TGIF1: variants seen among roughly 807,000 people sequenced by gnomAD.
TGIF1 encodes the protein homeobox protein TGIF1.
Under a neutral mutation model 19.3 loss-of-function variants are expected in TGIF1, and 4 were observed. The observed-to-expected ratio is 0.21, with a 90% CI of 0.10 to 0.47. TGIF1 has a LOEUF of 0.47. Ranked by LOEUF, TGIF1 falls within the 20% of genes least tolerant of loss-of-function variation. The probability of loss-of-function intolerance (pLI) is 0.98; values close to 1 mark genes in which losing one functional copy is unlikely to be tolerated. For missense variants in TGIF1, 275 were observed against 341.4 expected (o/e 0.81, Z 1.53); for synonymous variants, 122 against 129.3 (o/e 0.94, Z 0.38).
chr18:3,453,468 T>C (rs1002417005), intron 1 of TGIF1, among the ~76,000 whole-genome samples: 17 of 151,974 alleles, frequency 1.1e-4, no homozygotes, highest in Non-Finnish European at 2.2e-4. Context: ...GAGCAGATCA[T>C]CTGAGGTCGG....
chr18:3,436,363 C>T (rs756785089), intron 2 of TGIF1, among the ~76,000 whole-genome samples: 25 of 152,214 alleles, frequency 1.6e-4, no homozygotes, highest in Non-Finnish European at 2.8e-4. Flanking sequence ...TACATTTTGG[C>T]TGACAAATAG....
At position 3,458,737 on chromosome 18, in the gene TGIF1, T is replaced by C. The variant is rs2143434360; in HGVS notation, c.*797T>C. 1 of 152,310 alleles carries C rather than the reference T, an allele frequency of 6.6e-6. No homozygotes were observed. Among genetic ancestry groups the C allele is most frequent in the East Asian group, 1.9e-4 (1 of 5,192 alleles). 9.4% of individuals were successfully genotyped at this position (152,310 alleles called of 1,614,324 possible). ...AACGTGGCCATGTTATAAAGAAAAG[T>C]CTTGAAGCATCCGGTTATTGCTGAG... On this transcript the variant is annotated 3_prime_UTR_variant, in exon 3 of 3. Transcript: ENST00000343820.
intron 1 of TGIF1, among the ~76,000 whole-genome samples, chr18:3,417,292 TG>T (rs1257198878): frequency 6.6e-6 from 1 of 152,168 alleles, no homozygotes; most frequent in Non-Finnish European, 1.5e-5. Context: ...CCCGAGTAGC[TG>T]GGACTACAGG....
chr18:3,450,133 G>C, upstream of TGIF1: 7 of 1,105,570 alleles, frequency 6.3e-6, no homozygotes, highest in Non-Finnish European at 7.7e-6. Flanking sequence ...GCTGGGGGCG[G>C]AGGCAGGACC....
Position 3,456,330 on chromosome 18 carries a change from C to CA in TGIF1, c.17-22dup. 6.2e-7 allele frequency: 1 copy of CA among 1,608,840 alleles called. No homozygotes were observed. The highest frequency in any genetic ancestry group is 8.5e-7 in the Non-Finnish European group (1 of 1,175,306). On this transcript the variant is annotated intron_variant, in intron 1 of 2. Transcript: ENST00000343820. This position sits in a 1 kb window ranked among gnomAD's most constrained non-coding sequence, Gnocchi z 4.2. ...GTTGCTGTGCTTATAAAGCAACTGA[C>CA]AACTGGCCCTTGTCCTTTCCTAGGT...
chr18:3,455,987 C>G, intron 1 of TGIF1: 1 of 352,912 alleles, frequency 2.8e-6, no homozygotes, highest in Non-Finnish European at 5.5e-6. Flanking sequence ...TAGGCATATT[C>G]CAACTGCCAC....
At position 3,456,019 on chromosome 18, in the gene TGIF1, G is replaced by A. The variant is rs2049340699; in HGVS notation, c.17-335G>A. ...CCACAGCACCCTTCCTGTTTCAAAT[G>A]TGGCAGGTTATTCATTTTGGGTGCA... On this transcript the variant is annotated intron_variant, in intron 1 of 2. Transcript: ENST00000343820. The surrounding 1 kb of genome is among the most constrained non-coding windows in gnomAD (Gnocchi z 4.2). 3 of 383,510 alleles carry A rather than the reference G, an allele frequency of 7.8e-6. No individual in the cohort carries two copies. The highest frequency in any genetic ancestry group is 6.7e-5 in the South Asian group (3 of 45,096). 23.8% of individuals were successfully genotyped at this position (383,510 alleles called of 1,614,324 possible).
At chr18:3,426,891 G>T (rs184407492) in intron 2 of TGIF1, among the ~76,000 whole-genome samples, 19 of 151,254 alleles carry the variant, frequency 1.3e-4, no homozygotes, top group African/African-American at 4.6e-4. Context: ...ACTATGCAGC[G>T]GTAAAAAAGT....
chr18:3,457,545 C>T lies in TGIF1; in HGVS notation c.424C>T (p.His142Tyr). ...GCCAGCTCTAGAGGAGACCCCATTTCATTCCTGTACAGCTGGGCCAAACCC... is the reference window on the plus strand; with the variant it reads ...GCCAGCTCTAGAGGAGACCCCATTTTATTCCTGTACAGCTGGGCCAAACCC... Reference protein sequence around the residue: ...FMPALEETPFHSCTAGPNPTL... With the variant: ...FMPALEETPFYSCTAGPNPTL... The change falls in exon 3 of 3, where the codon CAT (histidine) becomes TAT (tyrosine). Residue 142 changes from histidine to tyrosine, a missense_variant. Coordinates refer to ENST00000343820, the MANE Select transcript of TGIF1 (RefSeq NM_003244.4). This position sits in a 1 kb window ranked among gnomAD's most constrained non-coding sequence, Gnocchi z 4.9. 2 of 1,614,234 alleles carry T rather than the reference C, an allele frequency of 1.2e-6. No homozygotes were observed. Among genetic ancestry groups the T allele is most frequent in the Non-Finnish European group, 1.7e-6 (2 of 1,180,046 alleles).
At position 3,451,821 on chromosome 18, in the gene TGIF1, C is replaced by T. The variant is rs1405751446; in HGVS notation, c.16+1316C>T. On this transcript the variant is annotated intron_variant, in intron 1 of 2. Transcript: ENST00000343820. This position sits in a 1 kb window ranked among gnomAD's most constrained non-coding sequence, Gnocchi z 5.4. ...CTCCCCGCGGGACGGAGGGAGGACT[C>T]GGGACAGGGAATTGGCCCTGGGAGA... 2 of 1,324,642 alleles carry T rather than the reference C, an allele frequency of 1.5e-6. No homozygotes were observed. Among genetic ancestry groups the T allele is most frequent in the Non-Finnish European group, 1.9e-6 (2 of 1,036,850 alleles). The allele number at this position is 1,324,642 out of a possible 1,614,324, so 82.1% of individuals were successfully genotyped here.
At position 3,457,678 on chromosome 18, in the gene TGIF1, T is replaced by C. The variant is rs1598914258; in HGVS notation, c.557T>C (p.Phe186Ser). 1 of 1,614,190 alleles carries C rather than the reference T, an allele frequency of 6.2e-7. No individual in the cohort carries two copies. The highest frequency in any genetic ancestry group is 8.5e-7 in the Non-Finnish European group (1 of 1,180,040). ...TTVTALKDVP[F>S]SLCQSVGVGQ... Reference sequence around the variant, plus strand: ...GTGACTGCATTGAAAGATGTCCCTTTCTCTCTCTGCCAGTCGGTCGGTGTG... The same window carrying C: ...GTGACTGCATTGAAAGATGTCCCTTCCTCTCTCTGCCAGTCGGTCGGTGTG... Residue 186 changes from phenylalanine (F) to serine (S), a missense_variant, in exon 3 of 3, where the codon TTC (phenylalanine) becomes TCC (serine). Coordinates refer to ENST00000343820, the MANE Select transcript of TGIF1 (RefSeq NM_003244.4). This position sits in a 1 kb window ranked among gnomAD's most constrained non-coding sequence, Gnocchi z 4.9.
chr18:3,457,866 G>T lies in TGIF1; in HGVS notation c.745G>T (p.Gly249Ter). 1 of 1,607,134 alleles carries T rather than the reference G, an allele frequency of 6.2e-7. No homozygotes were observed. Residue 249 changes from glycine to a stop codon, truncating the protein, a stop_gained, in exon 3 of 3, where the codon GGA (glycine) becomes TGA (stop). Transcript: ENST00000343820. LOFTEE classifies it high-confidence loss of function. This position sits in a 1 kb window ranked among gnomAD's most constrained non-coding sequence, Gnocchi z 4.9. ...TPPDLNQDFS[G>*]FQLLVDVALK... The stretch of plus-strand genomic sequence containing the variant: ...ACCGGACCTCAACCAGGACTTCAGT[G>T]GATTTCAGCTTCTAGTGGATGTTGC...
chr18:3,423,506 C>T (rs778546939), intron 2 of TGIF1, among the ~76,000 whole-genome samples: 15 of 151,992 alleles, frequency 9.9e-5, no homozygotes, highest in South Asian at 2.1e-4. Flanking sequence ...GGCGAAACCC[C>T]GTCTCTACTA....
At chr18:3,413,412 T>C (rs2143094309) in intron 1 of TGIF1, among the ~76,000 whole-genome samples, 1 of 152,330 alleles carries the variant, frequency 6.6e-6, no homozygotes, top group South Asian at 2.1e-4. Flanking sequence ...AGGTTGAGAT[T>C]TGATTCGAAT....
intron 2 of TGIF1, among the ~76,000 whole-genome samples, chr18:3,428,994 A>G (rs370186430): frequency 5.9e-5 from 9 of 152,194 alleles, no homozygotes; most frequent in East Asian, 3.9e-4. Context: ...CGGAGGTTAG[A>G]GTGAGCCGAG....
At position 3,451,638 on chromosome 18, in the gene TGIF1, GCC is replaced by G; in HGVS notation, c.16+1134_16+1135del. On this transcript the variant is annotated intron_variant, in intron 1 of 2. Coordinates refer to ENST00000343820, the MANE Select transcript of TGIF1 (RefSeq NM_003244.4). The surrounding 1 kb of genome is among the most constrained non-coding windows in gnomAD (Gnocchi z 5.4). ...CGCTGCGGGGCGTTCCTGGGGGGTA[GCC>G]TCAAGGCCAGCGGGGTTCCTTCGGC... The G allele has an allele frequency of 8.9e-7, 1 of 1,118,140 alleles. No homozygotes were observed. Among genetic ancestry groups the G allele is most frequent in the Middle Eastern group, 3.8e-4 (1 of 2,658 alleles). The allele number at this position is 1,118,140 out of a possible 1,614,324, so 69.3% of individuals were successfully genotyped here.
chr18:3,456,286 T>C lies in TGIF1; in HGVS notation c.17-68T>C, dbSNP rs1047240176. On this transcript the variant is annotated intron_variant, in intron 1 of 2. Transcript: ENST00000343820. This position sits in a 1 kb window ranked among gnomAD's most constrained non-coding sequence, Gnocchi z 4.2. ...GCATGGTTACATTGAATGGTCAGCG[T>C]TAAGTGAGCTTTGCAATAGTTGCTG... 3.5e-6 allele frequency: 5 copies of C among 1,418,286 alleles called. No homozygotes were observed. In the African/African-American group the frequency reaches 7.1e-5, roughly 20 times the overall value. 87.9% of individuals were successfully genotyped at this position (1,418,286 alleles called of 1,614,324 possible). A position where few individuals can be genotyped will look rare whatever the true frequency, so the allele number is the denominator to read the frequency against.
chr18:3,445,689 A>G (rs957596235), upstream of TGIF1, among the ~76,000 whole-genome samples: 1 of 127,758 alleles, frequency 7.8e-6, no homozygotes, highest in Non-Finnish European at 1.6e-5. Context: ...GCGCCACTGC[A>G]CTCCAGCCTG....
At chr18:3,427,335 A>C (rs977168302) in intron 2 of TGIF1, among the ~76,000 whole-genome samples, 4 of 150,120 alleles carry the variant, frequency 2.7e-5, no homozygotes, top group Admixed American at 6.7e-5. Context: ...TCTGTTGCCC[A>C]GGCTAGAGTG....
Sources: allele counts gnomAD v4.1 joint callset (sites outside exome capture counted in the v4.1 genomes callset), GRCh38; gene constraint gnomAD v4.1.1; non-coding constraint Gnocchi (gnomAD v3.1); transcripts MANE v1.5; gene names NCBI Gene and HGNC (gene_info 2026-07-23, HGNC 2026-07-21).